ZPLD1: variants seen among roughly 807,000 people sequenced by gnomAD.
ZPLD1 encodes the protein zona pellucida-like domain-containing protein 1.
Under a neutral mutation model 47.2 loss-of-function variants are expected in ZPLD1, and 34 were observed. That is an observed-to-expected ratio of 0.72 (90% CI 0.55 to 0.96). The LOEUF is 0.96. ZPLD1 is among the 40% of genes least tolerant of loss of function. The pLI is 0.00. For missense variants in ZPLD1, 512 were observed against 505.8 expected (o/e 1.01, Z -0.12); for synonymous variants, 176 against 186.2 (o/e 0.95, Z 0.45).
intron 8 of ZPLD1, among the ~76,000 whole-genome samples, chr3:102,423,687 A>G (rs1355596595): frequency 1.3e-5 from 2 of 152,140 alleles, no homozygotes; most frequent in Non-Finnish European, 2.9e-5. Flanking sequence ...GACCTCGACT[A>G]TGATTTCTCA....
chr3:102,432,888 G>T (rs11715285), upstream of ZPLD1, among the ~76,000 whole-genome samples: 21,730 of 151,988 alleles, frequency 0.14, 2,044 homozygotes, highest in Middle Eastern at 0.24. Context: ...CATTTATATG[G>T]GTTAGTTATA....
chr3:102,389,200 T>C (rs1161425343), intron 6 of ZPLD1, among the ~76,000 whole-genome samples: 1 of 152,240 alleles, frequency 6.6e-6, no homozygotes, highest in East Asian at 1.9e-4. Flanking sequence ...GCCCTGGTGC[T>C]GGAGAGAGTG....
intron 3 of ZPLD1, among the ~76,000 whole-genome samples, chr3:102,451,697 T>G (rs1267834250): frequency 6.6e-6 from 1 of 152,162 alleles, no homozygotes; most frequent in Non-Finnish European, 1.5e-5. Flanking sequence ...CTTTCTTGTC[T>G]CTTCCTAGCT....
At chr3:102,453,289 A>G in intron 4 of ZPLD1, 150 bp downstream of exon 4, 1 of 713,304 alleles carries the variant, frequency 1.4e-6, no homozygotes, top group Middle Eastern at 3.5e-4. Flanking sequence ...GGCATGCACT[A>G]GCAAATATAC....
intron 8 of ZPLD1, among the ~76,000 whole-genome samples, chr3:102,424,226 A>T (rs1706914011): frequency 6.6e-6 from 1 of 152,150 alleles, no homozygotes. Flanking sequence ...TCGTCTCTCC[A>T]GTCTCTTGAA....
chr3:102,473,825 T>C (rs1205071587), intron 10 of ZPLD1, among the ~76,000 whole-genome samples: 1 of 152,178 alleles, frequency 6.6e-6, no homozygotes, highest in East Asian at 1.9e-4. Flanking sequence ...AACTACCTTT[T>C]TTCCTTAGTT....
chr3:102,397,830 A>G (rs975326579), intron 7 of ZPLD1, among the ~76,000 whole-genome samples: 2 of 152,162 alleles, frequency 1.3e-5, no homozygotes, highest in African/African-American at 4.8e-5. Flanking sequence ...TTGTTCTCAT[A>G]GTCTAGGCCG....
intron 7 of ZPLD1, among the ~76,000 whole-genome samples, chr3:102,401,253 G>A (rs954999356): frequency 6.6e-6 from 1 of 152,012 alleles, no homozygotes; most frequent in Admixed American, 6.6e-5. Flanking sequence ...ACATATATAT[G>A]TATGTGTGTG....
chr3:102,471,275 C>G (rs537809654), intron 10 of ZPLD1, among the ~76,000 whole-genome samples: 1 of 152,296 alleles, frequency 6.6e-6, no homozygotes, highest in Non-Finnish European at 1.5e-5. Context: ...TCCTCCCAGA[C>G]AATTCTCTCC....
chr3:102,464,142 C>A (rs1232803059), intron 7 of ZPLD1, 29 bp from the exon 8 acceptor site: 1 of 1,526,218 alleles, frequency 6.6e-7, no homozygotes, highest in East Asian at 2.3e-5. Context: ...AATTCTGACT[C>A]TAGATTATGT....
At chr3:102,442,584 C>G (rs1707197524) in intron 3 of ZPLD1, among the ~76,000 whole-genome samples, 1 of 152,030 alleles carries the variant, frequency 6.6e-6, no homozygotes, top group Non-Finnish European at 1.5e-5. Context: ...CTCTCAGTAT[C>G]TCTTCCACAT....
chr3:102,464,283 T>C (rs1208810063), intron 8 of ZPLD1, 32 bp downstream of exon 8: 1 of 1,406,690 alleles, frequency 7.1e-7, no homozygotes, highest in African/African-American at 1.4e-5. Context: ...ATTATATTGA[T>C]ACCAATGACC....
At chr3:102,430,946 A>G (rs556566093), upstream of ZPLD1, among the ~76,000 whole-genome samples, 141 of 152,224 alleles carry the variant, frequency 9.3e-4, 1 homozygote, top group Non-Finnish European at 1.5e-3. Flanking sequence ...AAGGAAGTCA[A>G]TATGCTAGCA....
chr3:102,454,987 C>T (rs1203367946), intron 4 of ZPLD1, among the ~76,000 whole-genome samples: 1 of 152,098 alleles, frequency 6.6e-6, no homozygotes, highest in Non-Finnish European at 1.5e-5. Context: ...TCATTTTTGC[C>T]TTAGGTGCTA....
At chr3:102,394,502 G>C (rs976860290) in intron 7 of ZPLD1, among the ~76,000 whole-genome samples, 6 of 151,870 alleles carry the variant, frequency 4.0e-5, no homozygotes, top group African/African-American at 1.5e-4. Flanking sequence ...CATTGACATA[G>C]ATTTTCTTTT....
chr3:102,398,791 G>C (rs144202787), intron 7 of ZPLD1, among the ~76,000 whole-genome samples: 97 of 152,198 alleles, frequency 6.4e-4, no homozygotes, highest in African/African-American at 2.3e-3. Flanking sequence ...AAGTTTGAAG[G>C]CATGTCTATT....
upstream of ZPLD1, among the ~76,000 whole-genome samples, chr3:102,430,030 A>G (rs1239390159): frequency 1.3e-5 from 2 of 152,190 alleles, no homozygotes; most frequent in African/African-American, 4.8e-5. Context: ...CTAGTATTAT[A>G]ACAGTAGCAC....
chr3:102,439,833 C>A (rs995889948), intron 3 of ZPLD1, among the ~76,000 whole-genome samples: 2 of 152,184 alleles, frequency 1.3e-5, no homozygotes, highest in East Asian at 3.8e-4. Flanking sequence ...TTCTTAATAT[C>A]ATTAAATGCA....
intron 3 of ZPLD1, among the ~76,000 whole-genome samples, chr3:102,441,624 C>T (rs1033895773): frequency 1.3e-5 from 2 of 152,116 alleles, no homozygotes; most frequent in Admixed American, 1.3e-4. Context: ...AATAAAAACA[C>T]TTTTATCATT....
Sources: gnomAD v4.1 joint callset for allele counts (sites outside exome capture counted in the v4.1 genomes callset) on GRCh38, gnomAD v4.1.1 for gene constraint, MANE v1.5 for transcripts, NCBI Gene and HGNC (gene_info 2026-07-23, HGNC 2026-07-21) for gene names.